Variants in CTNNA3 observed in about 807,000 individuals in gnomAD.
CTNNA3 encodes catenin alpha 3, also known as catenin alpha-3.
A neutral mutation model predicts 95.7 loss-of-function variants in CTNNA3; 76 were observed. The ratio of observed to expected loss-of-function variants is 0.79; its 90% CI spans 0.66 to 0.96. CTNNA3 has a LOEUF of 0.96. Ranked by LOEUF, CTNNA3 falls within the 40% of genes least tolerant of loss-of-function variation. The pLI, the probability that CTNNA3 is intolerant of heterozygous loss-of-function variation, is 0.00. For synonymous variants in CTNNA3, 431 were observed against 374.4 expected, an observed-to-expected ratio of 1.15 and a Z score of -1.74; for missense variants, 1,191 against 1,089.8, an observed-to-expected ratio of 1.09 and a Z score of -1.31.
At chr10:66,311,795 C>T (rs184180025) in intron 12 of CTNNA3, among the ~76,000 whole-genome samples, 3 of 152,214 alleles carry the variant, frequency 2.0e-5, no homozygotes, top group East Asian at 1.9e-4. Flanking sequence ...ATTTTTTTTA[C>T]GTTGCTCCCT....
intron 13 of CTNNA3, among the ~76,000 whole-genome samples, chr10:66,130,610 T>A (rs776704011): frequency 3.3e-5 from 5 of 151,818 alleles, no homozygotes; most frequent in Non-Finnish European, 5.9e-5. Context: ...TTTAGGAAGC[T>A]AAGGCAGGAG....
At chr10:66,621,582 A>G (rs1003287934) in intron 10 of CTNNA3, 110 bp downstream of exon 10, 14 of 603,312 alleles carry the variant, frequency 2.3e-5, no homozygotes, top group Middle Eastern at 4.6e-4. Context: ...ACAGAGCGAG[A>G]CCTGGTCTCA....
At chr10:66,511,969 T>C (rs1840677654) in intron 11 of CTNNA3, among the ~76,000 whole-genome samples, 1 of 151,850 alleles carries the variant, frequency 6.6e-6, no homozygotes, top group South Asian at 2.1e-4. Context: ...GGGTGAGGTG[T>C]TAAAGTTCTC....
chr10:66,018,452 T>C (rs546579448), intron 15 of CTNNA3, among the ~76,000 whole-genome samples: 1 of 152,104 alleles, frequency 6.6e-6, no homozygotes, highest in South Asian at 2.1e-4. Flanking sequence ...TTGAGAAAAA[T>C]AATGTCACCC....
intron 11 of CTNNA3, among the ~76,000 whole-genome samples, chr10:66,488,953 A>C (rs1839828817): frequency 1.3e-5 from 2 of 152,188 alleles, no homozygotes. Flanking sequence ...ATAGGGAATA[A>C]TGGATTATAA....
chr10:67,387,082 G>A (rs1016687953), intron 5 of CTNNA3, among the ~76,000 whole-genome samples: 1 of 152,162 alleles, frequency 6.6e-6, no homozygotes, highest in Non-Finnish European at 1.5e-5. Context: ...GAACGGCTCT[G>A]GTCTACAGCT....
At chr10:67,548,501 T>C (rs1203293457) in intron 3 of CTNNA3, among the ~76,000 whole-genome samples, 1 of 152,096 alleles carries the variant, frequency 6.6e-6, no homozygotes, top group Non-Finnish European at 1.5e-5. Context: ...AAAACAATCT[T>C]GAAAAAGAGG....
intron 1 of CTNNA3, among the ~76,000 whole-genome samples, chr10:67,665,368 T>C (rs1025785127): frequency 1.3e-5 from 2 of 152,188 alleles, no homozygotes; most frequent in Non-Finnish European, 2.9e-5. Flanking sequence ...AAACGAAAAT[T>C]AGTTATAAAA....
In CTNNA3 at chr10:66,747,771, C is replaced by G. The variant is rs568015474; in HGVS notation, c.1281+18493G>C. On this transcript the variant is annotated intron_variant, in intron 9 of 17. Transcript: ENST00000433211. ...TGGTGTGGGCTGTTCTGCTCCAGTT[C>G]TTAGGAAGGAAGGTATCCTAGAAAC... Among the ~76,000 whole-genome samples, 38 of 152,258 alleles carry G rather than the reference C, an allele frequency of 2.5e-4. No individual in the cohort carries two copies. The South Asian group carries it at 3.1e-3, about 12-fold the overall frequency.
At chr10:67,395,357 T>C (rs1437821110) in intron 5 of CTNNA3, among the ~76,000 whole-genome samples, 1 of 152,154 alleles carries the variant, frequency 6.6e-6, no homozygotes, top group Non-Finnish European at 1.5e-5. Flanking sequence ...GAAGGAGCCA[T>C]TTATAATCAT....
At chr10:66,315,505 CTT>C (rs1491490069) in intron 12 of CTNNA3, among the ~76,000 whole-genome samples, 2 of 125,054 alleles carry the variant, frequency 1.6e-5, no homozygotes, top group Non-Finnish European at 3.4e-5. Context: ...TCTGACTTCT[CTT>C]GTGTGTGTGT....
intron 7 of CTNNA3, among the ~76,000 whole-genome samples, chr10:67,042,455 A>G (rs756019952): frequency 5.3e-5 from 8 of 152,154 alleles, no homozygotes; most frequent in Non-Finnish European, 1.0e-4. Flanking sequence ...CATGTCTTCT[A>G]AGCATGTAGA....
intron 9 of CTNNA3, among the ~76,000 whole-genome samples, chr10:66,732,186 G>A (rs972258053): frequency 5.3e-5 from 8 of 152,196 alleles, no homozygotes; most frequent in Non-Finnish European, 8.8e-5. Context: ...ACAGATTTGA[G>A]TCAGCTAGAC....
At chr10:66,578,217 C>T (rs942257534) in intron 10 of CTNNA3, among the ~76,000 whole-genome samples, 6 of 151,962 alleles carry the variant, frequency 3.9e-5, no homozygotes, top group African/African-American at 1.5e-4. Context: ...GTTCTAGAAG[C>T]CTTCTGGCAG....
intron 15 of CTNNA3, among the ~76,000 whole-genome samples, chr10:66,044,960 C>T (rs1397257250): frequency 6.8e-6 from 1 of 148,100 alleles, no homozygotes; most frequent in African/African-American, 2.4e-5. Context: ...CACAGTTAGC[C>T]TCTAATGACA....
chr10:67,542,420 C>T (rs1210311890), intron 3 of CTNNA3, among the ~76,000 whole-genome samples: 1 of 152,086 alleles, frequency 6.6e-6, no homozygotes, highest in Non-Finnish European at 1.5e-5. Flanking sequence ...GTCACCACAG[C>T]ATTTCCAGGA....
At chr10:66,051,317 T>C (rs2079953556) in intron 15 of CTNNA3, among the ~76,000 whole-genome samples, 1 of 152,244 alleles carries the variant, frequency 6.6e-6, no homozygotes, top group Admixed American at 6.5e-5. Context: ...ATTTTTTAAA[T>C]GCATGCATGA....
At chr10:66,752,334 T>A (rs924845993) in intron 9 of CTNNA3, among the ~76,000 whole-genome samples, 4 of 152,134 alleles carry the variant, frequency 2.6e-5, no homozygotes, top group Non-Finnish European at 5.9e-5. Flanking sequence ...CATGATTTAA[T>A]AGACAAATGA....
At chr10:66,862,527 T>G (rs1843982347) in intron 7 of CTNNA3, among the ~76,000 whole-genome samples, 1 of 152,074 alleles carries the variant, frequency 6.6e-6, no homozygotes, top group African/African-American at 2.4e-5. Flanking sequence ...GAACAGAGAC[T>G]TGAAGGTAGC....
Sources: gnomAD v4.1 joint callset for allele counts (sites outside exome capture counted in the v4.1 genomes callset) on GRCh38, gnomAD v4.1.1 for gene constraint, MANE v1.5 for transcripts, NCBI Gene and HGNC (gene_info 2026-07-23, HGNC 2026-07-21) for gene names.